Variants in LRRFIP2 observed in about 807,000 individuals in gnomAD.
The protein encoded by LRRFIP2 is LRR binding FLII interacting protein 2.
LRRFIP2 carries 109 observed loss-of-function variants against 125.9 expected under a neutral mutation model. The ratio of observed to expected loss-of-function variants is 0.87; its 90% CI spans 0.74 to 1.01. The LOEUF is 1.01. Among genes scored for constraint, LRRFIP2 ranks in the 50% least tolerant of loss-of-function variants. LRRFIP2 has a pLI of 0.00. For synonymous variants in LRRFIP2, 291 were observed against 293.1 expected, an observed-to-expected ratio of 0.99 and a Z score of 0.07; for missense variants, 850 against 862.3, an observed-to-expected ratio of 0.99 and a Z score of 0.18.
intron 19 of LRRFIP2, among the ~76,000 whole-genome samples, chr3:37,081,078 G>A (rs1203089563): frequency 1.3e-5 from 2 of 152,088 alleles, no homozygotes; most frequent in East Asian, 1.9e-4. Flanking sequence ...AATACAGCAA[G>A]GCCCCATCTC....
At chr3:37,094,747 G>A (rs1015910458) in intron 17 of LRRFIP2, 45 bp downstream of exon 17, 1 of 1,246,832 alleles carries the variant, frequency 8.0e-7, no homozygotes, top group Non-Finnish European at 1.2e-6. Flanking sequence ...ATATTACCAA[G>A]TCAAAAAACT....
chr3:37,163,986 C>T (rs2096411847), intron 1 of LRRFIP2, among the ~76,000 whole-genome samples: 1 of 152,104 alleles, frequency 6.6e-6, no homozygotes, highest in South Asian at 2.1e-4. Flanking sequence ...TTTTATATTT[C>T]TCTATAGTTC....
At chr3:37,109,730 GC>G in intron 9 of LRRFIP2, 27 bp from the exon 10 acceptor site, 1 of 1,606,906 alleles carries the variant, frequency 6.2e-7, no homozygotes, top group Non-Finnish European at 8.5e-7. Flanking sequence ...AAATAAATAA[GC>G]AAAAACAAAA....
At chr3:37,098,424 G>A (rs1287155972) in intron 15 of LRRFIP2, among the ~76,000 whole-genome samples, 2 of 145,030 alleles carry the variant, frequency 1.4e-5, no homozygotes, top group African/African-American at 2.5e-5. Context: ...GTCTCACTCT[G>A]TCACCCAGGC....
At chr3:37,158,285 C>T (rs2096251234) in intron 1 of LRRFIP2, among the ~76,000 whole-genome samples, 1 of 152,130 alleles carries the variant, frequency 6.6e-6, no homozygotes, top group African/African-American at 2.4e-5. Context: ...CCAACAATTA[C>T]ATATTGCTGA....
intron 4 of LRRFIP2, among the ~76,000 whole-genome samples, chr3:37,123,055 T>C (rs2095123335): frequency 6.6e-6 from 1 of 152,246 alleles, no homozygotes; most frequent in South Asian, 2.1e-4. Flanking sequence ...CTGGTTGACA[T>C]CTGCTGTGAC....
rs2094482197 is a variant in LRRFIP2, at chr3:37,109,691, G to A, written c.526C>T (p.Leu176=). The part of the protein sequence containing the change: ...SAYYTRQSSS[L]YSDPLATYKS... Reference sequence around the variant, plus strand: ...TATGTTGCCAGAGGGTCACTGTACAGGGAAGAAGACTGCTAAGAGACAAAA... The same window carrying A: ...TATGTTGCCAGAGGGTCACTGTACAAGGAAGAAGACTGCTAAGAGACAAAA... The change falls in exon 10 of 28, where the codon CTG becomes TTG. Residue 176 remains leucine (L), a synonymous_variant. Transcript: ENST00000336686. 1 of 1,613,828 alleles carries A rather than the reference G, an allele frequency of 6.2e-7. No homozygotes were observed. Among genetic ancestry groups the A allele is most frequent in the African/African-American group, 1.3e-5 (1 of 74,912 alleles).
At chr3:37,086,910 G>C (rs2093089208) in intron 18 of LRRFIP2, among the ~76,000 whole-genome samples, 1 of 148,636 alleles carries the variant, frequency 6.7e-6, no homozygotes, top group African/African-American at 2.5e-5. Context: ...ACCCAGGCTA[G>C]ACCACTGTGG....
chr3:37,082,748 C>T (rs1459592634), intron 19 of LRRFIP2, among the ~76,000 whole-genome samples: 1 of 152,040 alleles, frequency 6.6e-6, no homozygotes, highest in African/African-American at 2.4e-5. Flanking sequence ...TTGAATGTGA[C>T]CAAAACAGGC....
At chr3:37,123,922 A>G (rs2149599093) in intron 4 of LRRFIP2, among the ~76,000 whole-genome samples, 1 of 152,344 alleles carries the variant, frequency 6.6e-6, no homozygotes, top group Admixed American at 6.5e-5. Context: ...ATACCTTATT[A>G]AGTATTGATA....
At chr3:37,118,977 T>A (rs754533260) in intron 6 of LRRFIP2, among the ~76,000 whole-genome samples, 12 of 152,208 alleles carry the variant, frequency 7.9e-5, no homozygotes, top group Non-Finnish European at 1.8e-4. Context: ...AAGCAAATAA[T>A]TTGATGAAAA....
intron 4 of LRRFIP2, among the ~76,000 whole-genome samples, chr3:37,123,314 A>T (rs963582525): frequency 2.6e-5 from 4 of 152,004 alleles, no homozygotes; most frequent in African/African-American, 9.7e-5. Flanking sequence ...TTGGCCCCCT[A>T]CTAAGTAGCT....
intron 2 of LRRFIP2, among the ~76,000 whole-genome samples, chr3:37,131,324 C>T (rs777192978): frequency 2.8e-4 from 42 of 152,154 alleles, no homozygotes; most frequent in Non-Finnish European, 5.3e-4. Context: ...TCTCCCCAGT[C>T]CCTCTTTCAT....
chr3:37,058,944 C>G, intron 24 of LRRFIP2, 34 bp from the exon 25 acceptor site: 2 of 1,611,496 alleles, frequency 1.2e-6, no homozygotes, highest in Non-Finnish European at 1.7e-6. Context: ...CAGCAAGATC[C>G]AATCTCTCAA....
At chr3:37,132,021 A>G (rs1479867482) in intron 2 of LRRFIP2, among the ~76,000 whole-genome samples, 5 of 152,154 alleles carry the variant, frequency 3.3e-5, no homozygotes, top group Non-Finnish European at 7.4e-5. Flanking sequence ...ATCTAGAGAA[A>G]TTAGTTTTCT....
chr3:37,105,097 T>G (rs1251026588), intron 14 of LRRFIP2, among the ~76,000 whole-genome samples: 1 of 152,234 alleles, frequency 6.6e-6, no homozygotes, highest in Admixed American at 6.5e-5. Context: ...TTGTAATCCA[T>G]AGTTATGAGT....
intron 2 of LRRFIP2, among the ~76,000 whole-genome samples, chr3:37,145,275 C>T (rs1278323328): frequency 1.3e-5 from 2 of 152,110 alleles, no homozygotes; most frequent in Admixed American, 6.5e-5. Context: ...TCCATTTACT[C>T]GGAGACCTTT....
intron 25 of LRRFIP2, among the ~76,000 whole-genome samples, chr3:37,055,490 C>T (rs561196827): frequency 8.3e-4 from 126 of 152,218 alleles, no homozygotes; most frequent in Middle Eastern, 6.8e-3. Flanking sequence ...CACTTGAACC[C>T]GGGAGGCAGA....
intron 4 of LRRFIP2, among the ~76,000 whole-genome samples, chr3:37,125,434 T>C (rs2095240354): frequency 2.0e-5 from 3 of 152,244 alleles, no homozygotes; most frequent in African/African-American, 4.8e-5. Flanking sequence ...CTTTTCTTCC[T>C]GGTCCTTTCA....
Sources: allele counts gnomAD v4.1 joint callset (sites outside exome capture counted in the v4.1 genomes callset), GRCh38; gene constraint gnomAD v4.1.1; transcripts MANE v1.5; gene names NCBI Gene and HGNC (gene_info 2026-07-23, HGNC 2026-07-21).